NFE2L3: variants seen among roughly 807,000 people sequenced by gnomAD.
The protein encoded by NFE2L3 is nuclear factor erythroid 2-related factor 3.
In NFE2L3, 18 loss-of-function variants were observed where a neutral mutation model predicts 23.5. That is an observed-to-expected ratio of 0.77 (90% CI 0.53 to 1.13). The LOEUF (loss-of-function observed/expected upper bound fraction) is 1.13, where lower values mean the gene tolerates loss of function less well. Among genes scored for constraint, NFE2L3 ranks in the 50% most tolerant of loss-of-function variants. The probability of loss-of-function intolerance (pLI) is 0.00; values close to 1 mark genes in which losing one functional copy is unlikely to be tolerated. For synonymous variants in NFE2L3, 424 were observed against 354.5 expected (o/e 1.20, Z -2.20); for missense variants, 1,152 against 877.2 (o/e 1.31, Z -3.96).
At position 26,152,693 on chromosome 7, in the gene NFE2L3, G is replaced by A; in HGVS notation, c.195G>A (p.Ser65=). 1 of 1,479,704 alleles carries A rather than the reference G, an allele frequency of 6.8e-7. No individual in the cohort carries two copies. The allele number at this position is 1,479,704 out of a possible 1,614,324, so 91.7% of individuals were successfully genotyped here. The part of the protein sequence containing the change: ...SAYALSPFSA[S]GGWGRAGHLH... ...ACGCGCTCAGCCCCTTCTCGGCCTC[G>A]GGAGGGTGGGGGCGCGCGGGCCACT... The change falls in exon 1 of 4, where the codon TCG becomes TCA. Residue 65 remains serine, a synonymous_variant. Coordinates refer to ENST00000056233, the MANE Select transcript of NFE2L3 (RefSeq NM_004289.7). The surrounding 1 kb of genome is among the most constrained non-coding windows in gnomAD (Gnocchi z 4.4).
intron 1 of NFE2L3, among the ~76,000 whole-genome samples, chr7:26,156,272 A>G (rs961498456): frequency 3.3e-5 from 5 of 152,238 alleles, no homozygotes; most frequent in Non-Finnish European, 7.3e-5. Context: ...GTGCTTAGTT[A>G]GTAAATGTTA....
At chr7:26,169,725 A>G (rs1183656690) in intron 1 of NFE2L3, among the ~76,000 whole-genome samples, 2 of 152,224 alleles carry the variant, frequency 1.3e-5, no homozygotes, top group Non-Finnish European at 2.9e-5. Context: ...ATCTAAGAAG[A>G]TACTTATTCA....
Position 26,184,877 on chromosome 7 carries a change from C to T in NFE2L3, c.1179C>T (p.Asn393=). The change falls in exon 4 of 4, where the codon AAC becomes AAT. Residue 393 remains asparagine, a synonymous_variant. Transcript: ENST00000056233. ...DLDINIFDEI[N]LMSLATEDNF... The stretch of plus-strand genomic sequence containing the variant: ...ACATAAATATATTTGATGAGATAAA[C>T]TTAATGTCATTGGCCACAGAAGACA... The T allele has an allele frequency of 6.2e-7, 1 of 1,613,822 alleles. No homozygotes were observed. Among genetic ancestry groups the T allele is most frequent in the South Asian group, 1.1e-5 (1 of 91,058 alleles).
rs144537870 is a variant in NFE2L3, at chr7:26,170,706, A to G, written c.571-7237A>G. 9.5e-3 allele frequency among the ~76,000 whole-genome samples: 1,452 copies of G among 152,344 alleles called. 10 individuals carry two copies. The highest frequency in any genetic ancestry group is 0.015 in the Non-Finnish European group (1,024 of 68,028). ...AGTATCAGGAATTCCAATGTTAAAT[A>G]AAGCTTCCCAATTCTTTTTTCAAAA... is the stretch of plus-strand genomic sequence containing the variant. On this transcript the variant is annotated intron_variant, in intron 1 of 3. Coordinates refer to ENST00000056233, the MANE Select transcript of NFE2L3 (RefSeq NM_004289.7).
At chr7:26,180,158 G>A (rs537996635) in intron 2 of NFE2L3, among the ~76,000 whole-genome samples, 1 of 152,122 alleles carries the variant, frequency 6.6e-6, no homozygotes, top group African/African-American at 2.4e-5. Context: ...GGCAAAAACA[G>A]GACACTAAGC....
chr7:26,176,514 G>A lies in NFE2L3; in HGVS notation c.571-1429G>A, dbSNP rs1234532540. On this transcript the variant is annotated intron_variant, in intron 1 of 3. Coordinates refer to ENST00000056233, the MANE Select transcript of NFE2L3 (RefSeq NM_004289.7). ...CTCCTCACATCCCAGACGATGGGCAGCCGGGCAGAGGCGCTCCTCACATCC... is the reference window on the plus strand; with the variant it reads ...CTCCTCACATCCCAGACGATGGGCAACCGGGCAGAGGCGCTCCTCACATCC... 1.7e-5 allele frequency among the ~76,000 whole-genome samples: 2 copies of A among 118,818 alleles called. 1 individual carries two copies. Among genetic ancestry groups the A allele is most frequent in the Non-Finnish European group, 3.4e-5 (2 of 59,538 alleles). 77.9% of individuals were successfully genotyped at this position (118,818 alleles called of 152,430 possible).
intron 1 of NFE2L3, among the ~76,000 whole-genome samples, chr7:26,154,657 C>G (rs112392857): frequency 0.014 from 2,132 of 152,310 alleles, 49 homozygotes; most frequent in African/African-American, 0.047. Flanking sequence ...CTCCAGCAAT[C>G]CTTCCACTTC....
At chr7:26,165,577 A>G (rs184692810) in intron 1 of NFE2L3, among the ~76,000 whole-genome samples, 11 of 152,356 alleles carry the variant, frequency 7.2e-5, no homozygotes, top group Admixed American at 2.0e-4. Context: ...TAGATATACA[A>G]TCATGTCATC....
At position 26,183,793 on chromosome 7, in the gene NFE2L3, A is replaced by G; in HGVS notation, c.834+9A>G. 1.3e-6 allele frequency: 2 copies of G among 1,597,410 alleles called. No homozygotes were observed. The highest frequency in any genetic ancestry group is 1.7e-6 in the Non-Finnish European group (2 of 1,164,742). On this transcript the variant is annotated intron_variant, in intron 3 of 3. Coordinates refer to ENST00000056233, the MANE Select transcript of NFE2L3 (RefSeq NM_004289.7). The stretch of plus-strand genomic sequence containing the variant: ...CTGAAAATTCACTGGAGGTAATTGG[A>G]ACTTTGGCTTTTATCCTCGCAGGAA...
chr7:26,153,053 C>A lies in NFE2L3; in HGVS notation c.555C>A (p.Gly185=). The part of the protein sequence containing the change: ...AEPTAQVPDA[G]GCASEENGVL... ...CGACGGCTCAGGTGCCGGACGCTGGCGGATGTGCGAGCGAGGTAGGTGCAG... is the reference window on the plus strand; with the variant it reads ...CGACGGCTCAGGTGCCGGACGCTGGAGGATGTGCGAGCGAGGTAGGTGCAG... The change falls in exon 1 of 4, where the codon GGC becomes GGA. Residue 185 remains glycine, a synonymous_variant. Coordinates refer to ENST00000056233, the MANE Select transcript of NFE2L3 (RefSeq NM_004289.7). 6.6e-7 allele frequency: 1 copy of A among 1,526,410 alleles called. No homozygotes were observed. Among genetic ancestry groups the A allele is most frequent in the Non-Finnish European group, 8.8e-7 (1 of 1,140,460 alleles). The allele number at this position is 1,526,410 out of a possible 1,614,324, so 94.6% of individuals were successfully genotyped here. A position where few individuals can be genotyped will look rare whatever the true frequency, so the allele number is the denominator to read the frequency against.
chr7:26,177,604 A>AGGAGGGAG (rs1423919877), intron 1 of NFE2L3, among the ~76,000 whole-genome samples: 1 of 152,182 alleles, frequency 6.6e-6, no homozygotes, highest in Non-Finnish European at 1.5e-5. Flanking sequence ...AAAGGAGGGA[A>AGGAGGGAG]GGAGGGAGGA....
At chr7:26,164,522 A>T (rs1407923633) in intron 1 of NFE2L3, among the ~76,000 whole-genome samples, 2 of 151,810 alleles carry the variant, frequency 1.3e-5, no homozygotes, top group African/African-American at 4.8e-5. Context: ...TTTTCTTGTA[A>T]ATTTGTTTGA....
At chr7:26,171,576 A>G (rs1330750313) in intron 1 of NFE2L3, among the ~76,000 whole-genome samples, 1 of 152,142 alleles carries the variant, frequency 6.6e-6, no homozygotes, top group Non-Finnish European at 1.5e-5. Flanking sequence ...AGCCAGTTAA[A>G]TAAACTATGG....
At chr7:26,166,346 G>A (rs1158552160) in intron 1 of NFE2L3, among the ~76,000 whole-genome samples, 1 of 152,130 alleles carries the variant, frequency 6.6e-6, no homozygotes, top group Non-Finnish European at 1.5e-5. Flanking sequence ...GGCTATACCT[G>A]TGTTCTGCTC....
chr7:26,170,675 A>G (rs1224310238), intron 1 of NFE2L3, among the ~76,000 whole-genome samples: 1 of 152,242 alleles, frequency 6.6e-6, no homozygotes, highest in Non-Finnish European at 1.5e-5. Flanking sequence ...TCTTTCAAAT[A>G]TTCCAAGTAT....
At chr7:26,158,193 C>G (rs1332441166) in intron 1 of NFE2L3, among the ~76,000 whole-genome samples, 1 of 152,108 alleles carries the variant, frequency 6.6e-6, no homozygotes, top group South Asian at 2.1e-4. Flanking sequence ...AGATTACAGG[C>G]GCCTGCCACC....
At chr7:26,161,767 G>A (rs985783449) in intron 1 of NFE2L3, among the ~76,000 whole-genome samples, 43 of 151,948 alleles carry the variant, frequency 2.8e-4, no homozygotes, top group African/African-American at 9.7e-4. Flanking sequence ...TCTGGATGGG[G>A]GTGGAGGTAG....
chr7:26,179,344 T>C (rs982279928), intron 2 of NFE2L3, among the ~76,000 whole-genome samples: 2 of 151,800 alleles, frequency 1.3e-5, no homozygotes, highest in Non-Finnish European at 2.9e-5. Flanking sequence ...CCACAAAAAT[T>C]ACAAAAATTA....
At chr7:26,154,493 C>T (rs1489610430) in intron 1 of NFE2L3, among the ~76,000 whole-genome samples, 2 of 152,288 alleles carry the variant, frequency 1.3e-5, no homozygotes, top group African/African-American at 4.8e-5. Flanking sequence ...GTTCAGTCCT[C>T]GGAAACTTCC....
Sources: allele counts gnomAD v4.1 joint callset (sites outside exome capture counted in the v4.1 genomes callset), GRCh38; gene constraint gnomAD v4.1.1; non-coding constraint Gnocchi (gnomAD v3.1); transcripts MANE v1.5; gene names NCBI Gene and HGNC (gene_info 2026-07-23, HGNC 2026-07-21).